MTFR1L: variants seen among roughly 807,000 people sequenced by gnomAD.
MTFR1L encodes mitochondrial fission regulator 1-like.
A neutral mutation model predicts 27.9 loss-of-function variants in MTFR1L; 10 were observed. The ratio of observed to expected loss-of-function variants is 0.36; its 90% CI spans 0.22 to 0.61. The LOEUF is 0.61. Ranked by LOEUF, MTFR1L falls within the 20% of genes least tolerant of loss-of-function variation. The pLI is 0.73. For synonymous variants in MTFR1L, 151 were observed against 139.4 expected (o/e 1.08, Z -0.58); for missense variants, 315 against 363.7 (o/e 0.87, Z 1.09).
chr1:25,820,642 G>T, intron 1 of MTFR1L: 1 of 415,502 alleles, frequency 2.4e-6, no homozygotes, highest in Non-Finnish European at 4.7e-6. Context: ...AGCCTCCGGA[G>T]GGCTGCGGGG....
chr1:25,829,907 AC>A (rs1302263114), intron 6 of MTFR1L, 77 bp downstream of exon 6: 1 of 1,250,288 alleles, frequency 8.0e-7, no homozygotes, highest in African/African-American at 1.5e-5. Flanking sequence ...CAACATACTT[AC>A]ATAGTAAGTT....
At chr1:25,827,501 C>T (rs529850154) in intron 5 of MTFR1L, among the ~76,000 whole-genome samples, 38 of 151,606 alleles carry the variant, frequency 2.5e-4, no homozygotes, top group Non-Finnish European at 3.8e-4. Flanking sequence ...AGTGCAGTGG[C>T]GCAATCTTGG....
chr1:25,821,830 C>T (rs2048097236), intron 1 of MTFR1L: 1 of 152,304 alleles, frequency 6.6e-6, no homozygotes, highest in African/African-American at 2.4e-5. Context: ...CTGCCTAATG[C>T]TACTCAGCCT....
At chr1:25,828,710 G>T (rs7552868) in intron 5 of MTFR1L, among the ~76,000 whole-genome samples, 123,416 of 152,122 alleles carry the variant, frequency 0.81, 50,264 homozygotes, top group East Asian at 0.98. Flanking sequence ...CAGGTGGATC[G>T]CTCCCAAGAT....
At position 25,823,687 on chromosome 1, in the gene MTFR1L, G is replaced by A; in HGVS notation, c.68G>A (p.Ser23Asn). 6.2e-7 allele frequency: 1 copy of A among 1,614,154 alleles called. No homozygotes were observed. The highest frequency in any genetic ancestry group is 8.5e-7 in the Non-Finnish European group (1 of 1,180,014). ...AACAAGCCACATGGGGCTGCTCGAA[G>A]TGTAGTAAGAAGAATTGGGACCAAC... is the stretch of plus-strand genomic sequence containing the variant. ...WQNKPHGAAR[S>N]VVRRIGTNLP... Residue 23 changes from serine (S) to asparagine (N), a missense_variant, in exon 3 of 7, where the codon AGT becomes AAT. Physicochemically the swap from Ser to Asn is conservative, Grantham distance 46. Coordinates refer to ENST00000374303, the MANE Select transcript of MTFR1L (RefSeq NM_001099625.2).
At chr1:25,830,128 C>G (rs927030354) in intron 6 of MTFR1L, among the ~76,000 whole-genome samples, 1 of 152,186 alleles carries the variant, frequency 6.6e-6, no homozygotes, top group Admixed American at 6.5e-5. Context: ...CCTCATACTG[C>G]TAGTGACAGT....
chr1:25,827,839 C>T (rs1233250485), intron 5 of MTFR1L, among the ~76,000 whole-genome samples: 2 of 152,200 alleles, frequency 1.3e-5, no homozygotes, highest in African/African-American at 4.8e-5. Context: ...AGTTCTCGTG[C>T]CTCTGCCTCC....
intron 5 of MTFR1L, among the ~76,000 whole-genome samples, chr1:25,828,727 G>T (rs958267986): frequency 6.6e-6 from 1 of 152,056 alleles, no homozygotes; most frequent in Non-Finnish European, 1.5e-5. Context: ...AGATGCTCAG[G>T]GCTTATCTTC....
intron 3 of MTFR1L, among the ~76,000 whole-genome samples, chr1:25,825,447 T>C (rs1308805129): frequency 7.2e-5 from 11 of 152,208 alleles, no homozygotes; most frequent in Admixed American, 7.2e-4. Context: ...ATGGATGTTT[T>C]TTACTTTGTT....
At chr1:25,820,137 C>T in intron 1 of MTFR1L, 108 bp downstream of exon 1, 1 of 450,702 alleles carries the variant, frequency 2.2e-6, no homozygotes, top group Non-Finnish European at 4.4e-6. Context: ...CTCCTGTTCC[C>T]GCGCGAGTTC....
chr1:25,820,430 G>T (rs1485734162), intron 1 of MTFR1L: 11 of 430,658 alleles, frequency 2.6e-5, no homozygotes, highest in African/African-American at 6.4e-5. Flanking sequence ...GTCGTCTGCC[G>T]CGGGGGAGGG....
At chr1:25,822,995 G>T (rs1304047133) in intron 1 of MTFR1L, 24 bp from the exon 2 acceptor site, 1 of 1,598,820 alleles carries the variant, frequency 6.3e-7, no homozygotes, top group South Asian at 1.1e-5. Flanking sequence ...TGTTTCACAA[G>T]AGGGAAATCT....
chr1:25,824,775 A>G lies in MTFR1L; in HGVS notation c.129+1027A>G, dbSNP rs75895789. Among the ~76,000 whole-genome samples, 160 of 148,836 alleles carry G rather than the reference A, an allele frequency of 1.1e-3. 1 individual carries two copies. The highest frequency in any genetic ancestry group is 3.7e-3 in the African/African-American group (147 of 40,200). On this transcript the variant is annotated intron_variant, in intron 3 of 6. Transcript: ENST00000374303. ...TCCTAACTTGCCTCAGAAGCATCAG[A>G]AAAAAAAAAGGGAGACAGCTAGGGA...
Position 25,826,954 on chromosome 1 carries a change from G to T in MTFR1L, c.451+128G>T. ...TACTTAGGTTCCGGGCCCTGGGGTT[G>T]TCCTGAAGCCTGGCTAGCCAGTAGT... On this transcript the variant is annotated intron_variant, in intron 5 of 6. Transcript: ENST00000374303. This position sits in a 1 kb window ranked among gnomAD's most constrained non-coding sequence, Gnocchi z 4.1. 9.5e-7 allele frequency: 1 copy of T among 1,052,380 alleles called. No individual in the cohort carries two copies. The highest frequency in any genetic ancestry group is 1.4e-6 in the Non-Finnish European group (1 of 726,186). 65.2% of individuals were successfully genotyped at this position (1,052,380 alleles called of 1,614,324 possible). A position where few individuals can be genotyped will look rare whatever the true frequency, so the allele number is the denominator to read the frequency against.
At chr1:25,820,933 G>A (rs1158107707) in intron 1 of MTFR1L, 2 of 318,020 alleles carry the variant, frequency 6.3e-6, no homozygotes, top group East Asian at 3.0e-4. Flanking sequence ...TGATGCTTAA[G>A]CTGAGCTCTG....
intron 1 of MTFR1L, chr1:25,822,287 T>G (rs1338720099): frequency 6.6e-6 from 1 of 152,356 alleles, no homozygotes; most frequent in Non-Finnish European, 1.5e-5. Flanking sequence ...GAGACTGAGA[T>G]TGGCATGAGC....
At position 25,826,430 on chromosome 1, in the gene MTFR1L, G is replaced by A; in HGVS notation, c.239+19G>A. 6.2e-7 allele frequency: 1 copy of A among 1,612,536 alleles called. No individual in the cohort carries two copies. Among genetic ancestry groups the A allele is most frequent in the Non-Finnish European group, 8.5e-7 (1 of 1,178,612 alleles). On this transcript the variant is annotated intron_variant, in intron 4 of 6. Transcript: ENST00000374303. This position sits in a 1 kb window ranked among gnomAD's most constrained non-coding sequence, Gnocchi z 4.1. ...GGGTCAGGTAGTTGAGGCAGTAGCT[G>A]GTCTGCTAAGGAATGGAGAACTTCC...
In MTFR1L at chr1:25,832,661, T is replaced by A. The variant is rs1009289121; in HGVS notation, c.*635T>A. ...CATTTTATATTACTGAACAACCAAA[T>A]CTACCCTCCACGGCCCTGAGGCCTT... On this transcript the variant is annotated 3_prime_UTR_variant, in exon 7 of 7. Coordinates refer to ENST00000374303, the MANE Select transcript of MTFR1L (RefSeq NM_001099625.2). 7 of 161,806 alleles carry A rather than the reference T, an allele frequency of 4.3e-5. No individual in the cohort carries two copies. Among genetic ancestry groups the A allele is most frequent in the South Asian group, 3.3e-4 (2 of 6,060 alleles). The allele number at this position is 161,806 out of a possible 1,614,324, so 10.0% of individuals were successfully genotyped here.
In MTFR1L at chr1:25,826,398, T is replaced by C. The variant is rs764640732; in HGVS notation, c.226T>C (p.Tyr76His). 6.2e-7 allele frequency: 1 copy of C among 1,614,080 alleles called. No individual in the cohort carries two copies. The highest frequency in any genetic ancestry group is 2.2e-5 in the East Asian group (1 of 44,878). Reference sequence around the variant, plus strand: ...GATTGCTGCGGATGAAGAGGAGACATATGCCCGGGTCAGGTAGTTGAGGCA... The same window carrying C: ...GATTGCTGCGGATGAAGAGGAGACACATGCCCGGGTCAGGTAGTTGAGGCA... The part of the protein sequence containing the change: ...AWIAADEEET[Y>H]ARVRSDTRPL... Residue 76 changes from tyrosine to histidine, a missense_variant, in exon 4 of 7, where the codon TAT becomes CAT. By Grantham distance (83) the Tyr-to-His change is moderately conservative. Coordinates refer to ENST00000374303, the MANE Select transcript of MTFR1L (RefSeq NM_001099625.2). The surrounding 1 kb of genome is among the most constrained non-coding windows in gnomAD (Gnocchi z 4.1).
Sources: allele counts gnomAD v4.1 joint callset (sites outside exome capture counted in the v4.1 genomes callset), GRCh38; gene constraint gnomAD v4.1.1; non-coding constraint Gnocchi (gnomAD v3.1); transcripts MANE v1.5; gene names NCBI Gene and HGNC (gene_info 2026-07-23, HGNC 2026-07-21).